Variants in ZNF131 observed in about 807,000 individuals in gnomAD.
ZNF131 encodes zinc finger and BTB domain containing 35, also known as zinc finger protein 131.
ZNF131 carries 7 observed loss-of-function variants against 60.0 expected under a neutral mutation model. The observed-to-expected ratio is 0.12, with a 90% CI of 0.07 to 0.22. The LOEUF (loss-of-function observed/expected upper bound fraction) is 0.22, where lower values mean the gene tolerates loss of function less well. Among genes scored for constraint, ZNF131 ranks in the 10% least tolerant of loss-of-function variants. The pLI is 1.00. For missense variants in ZNF131, 493 were observed against 740.9 expected (o/e 0.67, Z 3.88); for synonymous variants, 257 against 253.2 (o/e 1.01, Z -0.14).
chr5:43,159,686 ACT>A (rs1203324221), intron 4 of ZNF131, among the ~76,000 whole-genome samples: 2 of 129,256 alleles, frequency 1.5e-5, no homozygotes, highest in Non-Finnish European at 3.3e-5. Context: ...CAAGAGAGAT[ACT>A]CTGTCTCAAA....
At position 43,121,961 on chromosome 5, in the gene ZNF131, G is replaced by A. The variant is rs552571467; in HGVS notation, c.-15-78G>A. The A allele has an allele frequency of 1.7e-5, 24 of 1,427,780 alleles. No individual in the cohort carries two copies. The Admixed American group carries it at 4.8e-4, about 28-fold the overall frequency. The allele number at this position is 1,427,780 out of a possible 1,614,324, so 88.4% of individuals were successfully genotyped here. ...TCTTTTCACGTTGCTGGTTTTTTTT[G>A]TTGTTGTTTTATGCTTTAGGGGTTT... On this transcript the variant is annotated intron_variant, in intron 1 of 6. Coordinates refer to ENST00000682664, the MANE Select transcript of ZNF131 (RefSeq NM_001330707.2).
intron 4 of ZNF131, among the ~76,000 whole-genome samples, chr5:43,145,773 T>C (rs1747501836): frequency 1.3e-5 from 2 of 152,214 alleles, no homozygotes; most frequent in Non-Finnish European, 2.9e-5. Flanking sequence ...CATTTTAATA[T>C]ATTTCAAATA....
At chr5:43,130,403 A>G (rs1450649805) in intron 3 of ZNF131, among the ~76,000 whole-genome samples, 1 of 152,124 alleles carries the variant, frequency 6.6e-6, no homozygotes, top group Non-Finnish European at 1.5e-5. Flanking sequence ...GAAATGAGTA[A>G]TATAAAAGTA....
chr5:43,121,975 C>A, intron 1 of ZNF131, 64 bp from the exon 2 acceptor site: 1 of 1,542,052 alleles, frequency 6.5e-7, no homozygotes, highest in Non-Finnish European at 8.8e-7. Context: ...TTGTTTTATG[C>A]TTTAGGGGTT....
At chr5:43,157,810 A>G (rs906669831) in intron 4 of ZNF131, among the ~76,000 whole-genome samples, 2 of 152,178 alleles carry the variant, frequency 1.3e-5, no homozygotes, top group African/African-American at 4.8e-5. Context: ...CTTCTGGCGA[A>G]AAGGTGTTTC....
rs79246574 is a variant in ZNF131, at chr5:43,143,898, C to CTTTTTTTTTTTTT, written c.371+4615_371+4627dup. 1.4e-4 allele frequency among the ~76,000 whole-genome samples: 5 copies of CTTTTTTTTTTTTT among 34,994 alleles called. 2 individuals carry two copies. The highest frequency in any genetic ancestry group is 2.0e-4 in the Non-Finnish European group (4 of 20,168). 23.0% of individuals were successfully genotyped at this position (34,994 alleles called of 152,430 possible). On this transcript the variant is annotated intron_variant, in intron 4 of 6. Transcript: ENST00000682664. Reference sequence around the variant, plus strand: ...TAGGTTCTCTGGAATATTGTCAGAGCTTTTTTTTTTTTTTTTTTTTTTTTT... The same window carrying CTTTTTTTTTTTTT: ...TAGGTTCTCTGGAATATTGTCAGAGCTTTTTTTTTTTTTTTTTTTTTTTTTTTTTTTTTTTTTT...
At chr5:43,141,267 A>G (rs558501565) in intron 4 of ZNF131, among the ~76,000 whole-genome samples, 10 of 152,314 alleles carry the variant, frequency 6.6e-5, no homozygotes, top group African/African-American at 2.4e-4. Context: ...GAGAGACCTG[A>G]GCATGGATGT....
At chr5:43,135,103 A>G (rs1407429664) in intron 3 of ZNF131, among the ~76,000 whole-genome samples, 4 of 150,144 alleles carry the variant, frequency 2.7e-5, no homozygotes, top group Non-Finnish European at 4.4e-5. Flanking sequence ...GGTTCAAGCA[A>G]CTCTCCTGCC....
intron 4 of ZNF131, among the ~76,000 whole-genome samples, chr5:43,145,153 C>A (rs1747421449): frequency 6.6e-6 from 1 of 151,948 alleles, no homozygotes; most frequent in Non-Finnish European, 1.5e-5. Context: ...GACTCAGTTG[C>A]CAGGTTTATG....
intron 3 of ZNF131, among the ~76,000 whole-genome samples, chr5:43,126,121 G>A (rs1012630404): frequency 6.6e-6 from 1 of 152,218 alleles, no homozygotes; most frequent in African/African-American, 2.4e-5. Flanking sequence ...GAAAACTTGA[G>A]TTTTAGCCCT....
At chr5:43,137,855 A>G (rs1290568249) in intron 3 of ZNF131, among the ~76,000 whole-genome samples, 1 of 152,236 alleles carries the variant, frequency 6.6e-6, no homozygotes, top group Non-Finnish European at 1.5e-5. Flanking sequence ...GATAAAGAAA[A>G]TGTAGTATAT....
intron 3 of ZNF131, among the ~76,000 whole-genome samples, chr5:43,129,493 T>A (rs1228089129): frequency 6.6e-6 from 1 of 152,176 alleles, no homozygotes; most frequent in Non-Finnish European, 1.5e-5. Flanking sequence ...CATTCCAGAT[T>A]TTAGAATTTT....
rs566876108 is a variant in ZNF131 at position 43,158,685 on chromosome 5, G to C, written c.372-2564G>C. ...CCAAGACTTCAACATACCTTTTGTGGGAACACAATTCAACCCATAATAATA... is the reference window on the plus strand; with the variant it reads ...CCAAGACTTCAACATACCTTTTGTGCGAACACAATTCAACCCATAATAATA... On this transcript the variant is annotated intron_variant, in intron 4 of 6. Coordinates refer to ENST00000682664, the MANE Select transcript of ZNF131 (RefSeq NM_001330707.2). 9.9e-5 allele frequency among the ~76,000 whole-genome samples: 15 copies of C among 152,282 alleles called. No homozygotes were observed. In the East Asian group the frequency reaches 1.9e-3, roughly 20 times the overall value.
Position 43,123,222 on chromosome 5 carries a change from G to A in ZNF131, c.138G>A (p.Lys46=), listed in dbSNP as rs1410107777. ...TATTTTACCTAGGACACCATTTTAA[G>A]GCTCACAAGGCTGTTTTGGCTGCTT... ...ITLIVDGHHF[K]AHKAVLAACS... The change falls in exon 3 of 7, where the codon AAG becomes AAA. Residue 46 remains lysine, a synonymous_variant. Transcript: ENST00000682664. 2.5e-6 allele frequency: 4 copies of A among 1,603,074 alleles called. No homozygotes were observed. The highest frequency in any genetic ancestry group is 3.4e-6 in the Non-Finnish European group (4 of 1,176,830).
At chr5:43,163,801 A>G (rs1734166867) in intron 5 of ZNF131, among the ~76,000 whole-genome samples, 1 of 152,254 alleles carries the variant, frequency 6.6e-6, no homozygotes. Flanking sequence ...GATAGCCTAC[A>G]GTATTCAGAA....
At chr5:43,156,569 T>G (rs1033507101) in intron 4 of ZNF131, among the ~76,000 whole-genome samples, 6 of 152,214 alleles carry the variant, frequency 3.9e-5, no homozygotes, top group Non-Finnish European at 8.8e-5. Context: ...TCCAGTGTTT[T>G]CAGCCCACCC....
chr5:43,144,054 C>T lies in ZNF131; in HGVS notation c.371+4745C>T, dbSNP rs576038957. Among the ~76,000 whole-genome samples the T allele has an allele frequency of 2.7e-5, 4 of 150,732 alleles. No individual in the cohort carries two copies. In the South Asian group the frequency reaches 8.4e-4, roughly 32 times the overall value. Reference sequence around the variant, plus strand: ...TCTCCTGCCTCAGCCTCCCGAGTAGCTGGGACTACAGGCACTCGCCACCAC... The same window carrying T: ...TCTCCTGCCTCAGCCTCCCGAGTAGTTGGGACTACAGGCACTCGCCACCAC... On this transcript the variant is annotated intron_variant, in intron 4 of 6. Transcript: ENST00000682664.
At chr5:43,137,949 G>A (rs768883881) in intron 3 of ZNF131, among the ~76,000 whole-genome samples, 1 of 152,228 alleles carries the variant, frequency 6.6e-6, no homozygotes, top group Non-Finnish European at 1.5e-5. Flanking sequence ...AGGACATTAT[G>A]CTAAGTGAAG....
At chr5:43,166,763 C>G (rs762261893) in intron 5 of ZNF131, among the ~76,000 whole-genome samples, 1 of 146,940 alleles carries the variant, frequency 6.8e-6, no homozygotes, top group Admixed American at 6.6e-5. Context: ...TCAAGCAGTT[C>G]TCTGCCTCAG....
Sources: allele counts gnomAD v4.1 joint callset (sites outside exome capture counted in the v4.1 genomes callset), GRCh38; gene constraint gnomAD v4.1.1; transcripts MANE v1.5; gene names NCBI Gene and HGNC (gene_info 2026-07-23, HGNC 2026-07-21).